PVT1: variants seen among roughly 807,000 people sequenced by gnomAD.
PVT1 encodes the protein CXCR4/PVT1 fusion.
chr8:127,836,364 A>G (rs930719699), intron 2 of PVT1, among the ~76,000 whole-genome samples: 5 of 152,148 alleles, frequency 3.3e-5, no homozygotes, highest in African/African-American at 1.2e-4. Flanking sequence ...GCATAGGTAA[A>G]CGTGTGCCAT....
intron 4 of PVT1, among the ~76,000 whole-genome samples, chr8:128,014,728 T>G (rs563325436): frequency 5.3e-4 from 81 of 152,322 alleles, no homozygotes; most frequent in African/African-American, 1.8e-3. Context: ...TTCCTCTGTT[T>G]CCATTGAAAT....
At chr8:128,003,201 A>C (rs1817204431) in intron 4 of PVT1, among the ~76,000 whole-genome samples, 1 of 116,194 alleles carries the variant, frequency 8.6e-6, no homozygotes. Context: ...ACTGTGTTAG[A>C]CAATCCTGCC....
intron 4 of PVT1, among the ~76,000 whole-genome samples, chr8:128,068,381 A>G (rs1442481304): frequency 6.6e-6 from 1 of 152,112 alleles, no homozygotes; most frequent in Non-Finnish European, 1.5e-5. Context: ...TATGAGGAAA[A>G]TAGCACATCA....
chr8:128,073,362 C>T (rs191625072), intron 5 of PVT1, among the ~76,000 whole-genome samples: 235 of 152,032 alleles, frequency 1.5e-3, no homozygotes, highest in African/African-American at 5.2e-3. Context: ...TCCTTTTCTC[C>T]CTCCATCCCT....
chr8:127,805,907 A>G (rs1255394875), intron 2 of PVT1, among the ~76,000 whole-genome samples: 1 of 152,208 alleles, frequency 6.6e-6, no homozygotes, highest in Non-Finnish European at 1.5e-5. Flanking sequence ...GTAGAAGTTA[A>G]CCAGAAGAAC....
chr8:127,876,841 TC>T (rs982071884), intron 2 of PVT1, among the ~76,000 whole-genome samples: 58 of 152,128 alleles, frequency 3.8e-4, no homozygotes, highest in African/African-American at 1.3e-3. Flanking sequence ...ATTTGCCCCA[TC>T]CCCCCAATTT....
At chr8:128,097,097 A>G (rs569037141) in intron 6 of PVT1, among the ~76,000 whole-genome samples, 1 of 152,346 alleles carries the variant, frequency 6.6e-6, no homozygotes, top group Admixed American at 6.5e-5. Context: ...ACAGTGGCTC[A>G]CACCTGTAAT....
intron 2 of PVT1, among the ~76,000 whole-genome samples, chr8:127,801,765 G>C (rs1328286542): frequency 6.6e-6 from 1 of 152,080 alleles, no homozygotes; most frequent in Non-Finnish European, 1.5e-5. Flanking sequence ...ATCTTAAACT[G>C]TGCTCTCCAT....
chr8:127,807,890 C>A (rs1386041703), intron 2 of PVT1, among the ~76,000 whole-genome samples: 1 of 152,018 alleles, frequency 6.6e-6, no homozygotes, highest in Non-Finnish European at 1.5e-5. Context: ...GCCTCAGCCT[C>A]CCGAGTAGCT....
chr8:127,874,622 G>C (rs1279884285), intron 2 of PVT1, among the ~76,000 whole-genome samples: 1 of 152,210 alleles, frequency 6.6e-6, no homozygotes, highest in Non-Finnish European at 1.5e-5. Flanking sequence ...TTGGTGTGCA[G>C]TGTCTCTGAT....
At chr8:128,003,672 C>T (rs1817212941) in intron 4 of PVT1, among the ~76,000 whole-genome samples, 1 of 152,168 alleles carries the variant, frequency 6.6e-6, no homozygotes, top group Non-Finnish European at 1.5e-5. Context: ...GTTTTCATCC[C>T]TGTTATTATA....
intron 4 of PVT1, among the ~76,000 whole-genome samples, chr8:128,052,901 G>T (rs1325699486): frequency 6.6e-6 from 1 of 152,246 alleles, no homozygotes; most frequent in Non-Finnish European, 1.5e-5. Flanking sequence ...GCTCTCCTAT[G>T]AAGACAGTAG....
chr8:127,919,289 C>T (rs1014478997), intron 3 of PVT1, among the ~76,000 whole-genome samples: 7 of 152,164 alleles, frequency 4.6e-5, no homozygotes, highest in African/African-American at 1.7e-4. Context: ...TGAAAATTCT[C>T]GGCATTCCTC....
At chr8:128,027,215 A>G (rs1271258548) in intron 4 of PVT1, among the ~76,000 whole-genome samples, 1 of 152,104 alleles carries the variant, frequency 6.6e-6, no homozygotes, top group Non-Finnish European at 1.5e-5. Flanking sequence ...TGTGGCTCTG[A>G]AGTCAAGTGA....
intron 2 of PVT1, among the ~76,000 whole-genome samples, chr8:127,874,265 G>T (rs1815381998): frequency 6.6e-6 from 1 of 152,218 alleles, no homozygotes; most frequent in South Asian, 2.1e-4. Flanking sequence ...AGTGGATTCA[G>T]CTGAGAGTCG....
intron 2 of PVT1, among the ~76,000 whole-genome samples, chr8:127,834,074 G>A (rs556780298): frequency 6.6e-6 from 1 of 152,034 alleles, no homozygotes; most frequent in East Asian, 1.9e-4. Context: ...CTTCTACTTG[G>A]GCCCTCTGCT....
intron 2 of PVT1, among the ~76,000 whole-genome samples, chr8:127,839,572 AT>A (rs1814949401): frequency 6.7e-6 from 1 of 149,974 alleles, no homozygotes; most frequent in African/African-American, 2.4e-5. Context: ...TAAAAAAAAA[AT>A]GAAAAAAAAA....
intron 3 of PVT1, among the ~76,000 whole-genome samples, chr8:127,897,829 G>T (rs1586426935): frequency 1.0e-5 from 1 of 98,774 alleles, no homozygotes; most frequent in African/African-American, 3.9e-5. Flanking sequence ...GAAAAGAAAA[G>T]AAAGAAAGAA....
At chr8:127,933,414 G>T (rs1275266802) in intron 3 of PVT1, among the ~76,000 whole-genome samples, 1 of 152,142 alleles carries the variant, frequency 6.6e-6, no homozygotes, top group South Asian at 2.1e-4. Flanking sequence ...TGTGTGTTGG[G>T]CACTACTATG....
Sources: allele counts gnomAD v4.1 joint callset (sites outside exome capture counted in the v4.1 genomes callset), GRCh38; gene constraint gnomAD v4.1.1; transcripts MANE v1.5; gene names NCBI Gene and HGNC (gene_info 2026-07-23, HGNC 2026-07-21).